The following CSMD1 variants were observed in gnomAD, a reference collection of about 807,000 sequenced individuals.
CSMD1 encodes CUB and sushi domain-containing protein 1.
In CSMD1, 213 loss-of-function variants were observed where a neutral mutation model predicts 417.5. The ratio of observed to expected loss-of-function variants is 0.51; its 90% CI spans 0.46 to 0.57. The LOEUF is 0.57. Ranked by LOEUF, CSMD1 falls within the 20% of genes least tolerant of loss-of-function variation. The pLI is 0.00. For missense variants in CSMD1, 6,923 were observed against 4,529.7 expected, an observed-to-expected ratio of 1.53 and a Z score of -15.17; for synonymous variants, 2,862 against 1,736.8, an observed-to-expected ratio of 1.65 and a Z score of -16.11.
At chr8:3,560,360 T>C (rs969225957) in intron 10 of CSMD1, among the ~76,000 whole-genome samples, 3 of 152,150 alleles carry the variant, frequency 2.0e-5, no homozygotes, top group Non-Finnish European at 4.4e-5. Context: ...ACCACAGTTA[T>C]ATGGCATATG....
chr8:4,791,106 G>T (rs184388346), intron 1 of CSMD1, among the ~76,000 whole-genome samples: 1 of 152,074 alleles, frequency 6.6e-6, no homozygotes, highest in African/African-American at 2.4e-5. Context: ...GAGAAGAGAC[G>T]GGGAGAAGAG....
chr8:4,806,782 C>T (rs1331997375), intron 1 of CSMD1, among the ~76,000 whole-genome samples: 1 of 152,072 alleles, frequency 6.6e-6, no homozygotes, highest in Non-Finnish European at 1.5e-5. Context: ...AAATCTAGTC[C>T]TGTGACAACC....
chr8:4,827,816 T>C (rs978778715), intron 1 of CSMD1, among the ~76,000 whole-genome samples: 51 of 152,316 alleles, frequency 3.3e-4, no homozygotes, highest in African/African-American at 1.2e-3. Flanking sequence ...ATTTTTACTG[T>C]AATCTACAGG....
chr8:4,035,324 A>G (rs956401780), intron 3 of CSMD1, among the ~76,000 whole-genome samples: 1 of 152,224 alleles, frequency 6.6e-6, no homozygotes, highest in Non-Finnish European at 1.5e-5. Context: ...ATAGTGAACA[A>G]CTGTCACTGG....
intron 10 of CSMD1, among the ~76,000 whole-genome samples, chr8:3,510,516 T>G (rs530622511): frequency 6.6e-6 from 1 of 151,940 alleles, no homozygotes; most frequent in East Asian, 1.9e-4. Flanking sequence ...AAAGAAAATC[T>G]TAGAAGGTCT....
At chr8:4,113,115 T>C (rs149570330) in intron 3 of CSMD1, among the ~76,000 whole-genome samples, 2 of 152,278 alleles carry the variant, frequency 1.3e-5, no homozygotes, top group East Asian at 1.9e-4. Flanking sequence ...TGTGTGTTCT[T>C]ACTGTTCCAC....
At chr8:3,938,547 G>C (rs1223072123) in intron 5 of CSMD1, among the ~76,000 whole-genome samples, 2 of 152,084 alleles carry the variant, frequency 1.3e-5, no homozygotes, top group African/African-American at 4.8e-5. Context: ...GATTTGAGAG[G>C]ACCGATGCTA....
chr8:4,628,009 T>C (rs943486978), intron 2 of CSMD1, among the ~76,000 whole-genome samples: 4 of 151,680 alleles, frequency 2.6e-5, no homozygotes, highest in Admixed American at 1.3e-4. Context: ...AAAAAATGTC[T>C]CTAGATACTG....
chr8:4,135,796 T>C (rs563220028), intron 3 of CSMD1, among the ~76,000 whole-genome samples: 2 of 152,354 alleles, frequency 1.3e-5, no homozygotes, highest in Admixed American at 1.3e-4. Flanking sequence ...AATAAAAATC[T>C]AGTTAATATC....
intron 2 of CSMD1, among the ~76,000 whole-genome samples, chr8:4,431,076 G>A (rs983934573): frequency 1.3e-5 from 2 of 152,062 alleles, no homozygotes; most frequent in South Asian, 2.1e-4. Flanking sequence ...TTTCTTCTAT[G>A]ATCATTAGTG....
intron 47 of CSMD1, among the ~76,000 whole-genome samples, chr8:3,092,750 A>C (rs1815027664): frequency 1.3e-5 from 2 of 152,230 alleles, no homozygotes; most frequent in African/African-American, 4.8e-5. Context: ...ACCATTTTTC[A>C]GGAGAAATTG....
chr8:4,880,597 C>T (rs537714721), intron 1 of CSMD1, among the ~76,000 whole-genome samples: 3 of 152,166 alleles, frequency 2.0e-5, no homozygotes, highest in East Asian at 3.9e-4. Context: ...TCTCAAAGCC[C>T]ACATTGCCTC....
intron 7 of CSMD1, among the ~76,000 whole-genome samples, chr8:3,684,944 T>G (rs916492846): frequency 6.6e-6 from 1 of 152,168 alleles, no homozygotes; most frequent in African/African-American, 2.4e-5. Context: ...AGTGGACAAT[T>G]AAACTGCCTT....
chr8:4,602,142 C>G (rs549631633), intron 2 of CSMD1, among the ~76,000 whole-genome samples: 2 of 152,256 alleles, frequency 1.3e-5, no homozygotes, highest in Non-Finnish European at 1.5e-5. Flanking sequence ...CCCCAGTTCC[C>G]TAAGGTGAAC....
chr8:3,738,208 A>G (rs1390775227), intron 6 of CSMD1, among the ~76,000 whole-genome samples: 5 of 152,236 alleles, frequency 3.3e-5, no homozygotes, highest in Admixed American at 1.3e-4. Context: ...AATAAATTAT[A>G]TGAAGTAGTG....
At chr8:4,583,173 G>T (rs1023113157) in intron 2 of CSMD1, among the ~76,000 whole-genome samples, 2 of 152,154 alleles carry the variant, frequency 1.3e-5, no homozygotes, top group Admixed American at 1.3e-4. Context: ...CTGCTCCACG[G>T]CACCCAGTCC....
At chr8:4,207,448 T>G (rs1291016755) in intron 3 of CSMD1, among the ~76,000 whole-genome samples, 2 of 152,202 alleles carry the variant, frequency 1.3e-5, no homozygotes, top group African/African-American at 2.4e-5. Context: ...AGTCATTTAA[T>G]TGAACCATAT....
At chr8:3,520,016 A>T (rs1396184866) in intron 10 of CSMD1, among the ~76,000 whole-genome samples, 1 of 139,458 alleles carries the variant, frequency 7.2e-6, no homozygotes, top group Non-Finnish European at 1.5e-5. Context: ...GTGTGTGTAT[A>T]TACCTATATA....
intron 12 of CSMD1, among the ~76,000 whole-genome samples, chr8:3,458,505 G>T (rs1049738808): frequency 4.6e-5 from 7 of 152,150 alleles, no homozygotes; most frequent in African/African-American, 1.7e-4. Context: ...AAAAAAGGGT[G>T]ATGACTGGAA....
Sources: allele counts gnomAD v4.1 joint callset (sites outside exome capture counted in the v4.1 genomes callset), GRCh38; gene constraint gnomAD v4.1.1; transcripts MANE v1.5; gene names NCBI Gene and HGNC (gene_info 2026-07-23, HGNC 2026-07-21).